Variants in GPBP1L1 observed in about 807,000 individuals in gnomAD.
GPBP1L1 encodes the protein vasculin-like protein 1.
In GPBP1L1, 23 loss-of-function variants were observed where a neutral mutation model predicts 52.5. That is an observed-to-expected ratio of 0.44 (90% CI 0.32 to 0.62). The LOEUF is 0.62. GPBP1L1 is among the 20% of genes least tolerant of loss of function. GPBP1L1 has a pLI of 0.06. For missense variants in GPBP1L1, 596 were observed against 579.3 expected (o/e 1.03, Z -0.30); for synonymous variants, 243 against 203.1 (o/e 1.20, Z -1.67).
Position 45,660,249 on chromosome 1 carries a change from T to A in GPBP1L1, c.-121A>T. The A allele has an allele frequency of 2.0e-6, 2 of 985,214 alleles. No homozygotes were observed. The highest frequency in any genetic ancestry group is 1.2e-6 in the Non-Finnish European group (1 of 829,846). 61.0% of individuals were successfully genotyped at this position (985,214 alleles called of 1,614,324 possible). On this transcript the variant is annotated 5_prime_UTR_variant, in exon 3 of 13. Coordinates refer to ENST00000355105, the MANE Select transcript of GPBP1L1 (RefSeq NM_021639.5). ...TCGGCCAGCTGGATCTCCCACAAGG[T>A]TTCCTTGTTAAAAGGGTGCTTAAGT...
chr1:45,656,692 C>G (rs1318284604), intron 4 of GPBP1L1, among the ~76,000 whole-genome samples: 2 of 149,760 alleles, frequency 1.3e-5, no homozygotes, highest in Non-Finnish European at 3.0e-5. Flanking sequence ...TTTTAAGAGC[C>G]AGGGTCTCAG....
intron 3 of GPBP1L1, among the ~76,000 whole-genome samples, chr1:45,659,949 GGAAAAAAAGA>G (rs1247641968): frequency 4.6e-5 from 7 of 151,722 alleles, no homozygotes; most frequent in Non-Finnish European, 8.8e-5. Context: ...TCAAGATGGG[GGAAAAAAAGA>G]TCTTCCTAGA....
In GPBP1L1 at chr1:45,657,084, G is replaced by A. The variant is rs367703835; in HGVS notation, c.61-1765C>T. 2.0e-5 allele frequency among the ~76,000 whole-genome samples: 3 copies of A among 152,262 alleles called. No individual in the cohort carries two copies. The East Asian group carries it at 5.8e-4, about 29-fold the overall frequency. ...GCTTATTATAGTTTCGAAAATGAAAGAATGTCTTCTAATTCTTTTTACTTA... is the reference window on the plus strand; with the variant it reads ...GCTTATTATAGTTTCGAAAATGAAAAAATGTCTTCTAATTCTTTTTACTTA... On this transcript the variant is annotated intron_variant, in intron 4 of 12. Transcript: ENST00000355105.
At chr1:45,650,625 A>C (rs994468429) in intron 6 of GPBP1L1, among the ~76,000 whole-genome samples, 1 of 152,310 alleles carries the variant, frequency 6.6e-6, no homozygotes, top group Admixed American at 6.5e-5. Flanking sequence ...TAATACAGAA[A>C]ATCTACTGCA....
chr1:45,685,874 G>A (rs1432874716), intron 1 of GPBP1L1, among the ~76,000 whole-genome samples: 1 of 152,140 alleles, frequency 6.6e-6, no homozygotes, highest in Non-Finnish European at 1.5e-5. Flanking sequence ...AAGGAGGTTG[G>A]TAGATATCGG....
chr1:45,638,738 G>T (rs1003263118), intron 8 of GPBP1L1, among the ~76,000 whole-genome samples: 1 of 152,142 alleles, frequency 6.6e-6, no homozygotes, highest in Non-Finnish European at 1.5e-5. Flanking sequence ...CCAGAAGTTC[G>T]AGACCAGCCT....
At position 45,673,054 on chromosome 1, in the gene GPBP1L1, A is replaced by G. The variant is rs78798882; in HGVS notation, c.-1097-11829T>C. On this transcript the variant is annotated intron_variant, in intron 2 of 12. Coordinates refer to ENST00000355105, the MANE Select transcript of GPBP1L1 (RefSeq NM_021639.5). ...AAAATAAGTTTTTTACTGCACTGAT[A>G]GGAATAACCCAGTAGAAAAAGAAAA... Among the ~76,000 whole-genome samples the G allele has an allele frequency of 3.0e-3, 461 of 152,352 alleles. 4 individuals are homozygous for G. The highest frequency in any genetic ancestry group is 0.023 in the East Asian group (117 of 5,192).
intron 8 of GPBP1L1, among the ~76,000 whole-genome samples, chr1:45,639,096 A>T (rs1394271291): frequency 6.6e-6 from 1 of 152,220 alleles, no homozygotes; most frequent in African/African-American, 2.4e-5. Context: ...TATCAAGCAA[A>T]GCCTAAAATA....
intron 2 of GPBP1L1, among the ~76,000 whole-genome samples, chr1:45,672,655 A>T (rs1052145534): frequency 6.6e-6 from 1 of 152,184 alleles, no homozygotes; most frequent in Admixed American, 6.5e-5. Flanking sequence ...ATTTAAATCC[A>T]TGGACCCAGA....
chr1:45,643,658 CTTTTTTTTTTT>C (rs113388167), intron 6 of GPBP1L1, among the ~76,000 whole-genome samples: 18 of 65,112 alleles, frequency 2.8e-4, no homozygotes, highest in African/African-American at 3.8e-4. Flanking sequence ...AGGAGAATGG[CTTTTTTTTTTT>C]TTTTTTTTTT....
chr1:45,637,894 G>C (rs1644617041), intron 8 of GPBP1L1, among the ~76,000 whole-genome samples: 1 of 152,170 alleles, frequency 6.6e-6, no homozygotes. Context: ...AAAAAGGGGG[G>C]CATTGTTATG....
intron 11 of GPBP1L1, among the ~76,000 whole-genome samples, 155 bp downstream of exon 11, chr1:45,630,327 G>C (rs1404135125): frequency 6.6e-6 from 1 of 152,202 alleles, no homozygotes; most frequent in Admixed American, 6.5e-5. Flanking sequence ...TGCTTGATGA[G>C]CAACAGGCCA....
chr1:45,686,815 CT>C (rs923309573), upstream of GPBP1L1, among the ~76,000 whole-genome samples: 1 of 152,254 alleles, frequency 6.6e-6, no homozygotes, highest in African/African-American at 2.4e-5. Context: ...AATCCTCTGC[CT>C]TTCCTCGTGC....
intron 2 of GPBP1L1, among the ~76,000 whole-genome samples, chr1:45,682,721 T>C (rs1645225899): frequency 6.6e-6 from 1 of 152,228 alleles, no homozygotes; most frequent in South Asian, 2.1e-4. Context: ...CTCTTTTAAA[T>C]GTTTGCCTAG....
intron 2 of GPBP1L1, among the ~76,000 whole-genome samples, chr1:45,665,792 T>G (rs1645003794): frequency 6.6e-6 from 1 of 151,510 alleles, no homozygotes; most frequent in South Asian, 2.1e-4. Context: ...TCTTGTTTAT[T>G]TCATTACTTC....
chr1:45,633,452 T>G (rs746205571), intron 10 of GPBP1L1, 37 bp downstream of exon 10: 1 of 1,605,382 alleles, frequency 6.2e-7, no homozygotes, highest in Non-Finnish European at 8.5e-7. Context: ...CAAAGGAAAA[T>G]TCCTAGGCTA....
At chr1:45,653,699 T>C (rs905973233) in intron 6 of GPBP1L1, among the ~76,000 whole-genome samples, 5 of 132,640 alleles carry the variant, frequency 3.8e-5, no homozygotes, top group Admixed American at 1.5e-4. Flanking sequence ...TAATCTTTTT[T>C]TTCTTTTTTT....
chr1:45,664,426 C>T (rs529662196), intron 2 of GPBP1L1, among the ~76,000 whole-genome samples: 4 of 151,484 alleles, frequency 2.6e-5, no homozygotes, highest in Admixed American at 6.6e-5. Context: ...ATTAGCTGGG[C>T]GTGGTGGTGG....
chr1:45,677,386 T>C (rs1363539009), intron 2 of GPBP1L1, among the ~76,000 whole-genome samples: 1 of 151,358 alleles, frequency 6.6e-6, no homozygotes, highest in African/African-American at 2.4e-5. Flanking sequence ...ATAGTGGTGT[T>C]GTAGTCCCAA....
Sources: gnomAD v4.1 joint callset for allele counts (sites outside exome capture counted in the v4.1 genomes callset) on GRCh38, gnomAD v4.1.1 for gene constraint, MANE v1.5 for transcripts, NCBI Gene and HGNC (gene_info 2026-07-23, HGNC 2026-07-21) for gene names.